The following PALS1 variants were observed in gnomAD, a reference collection of about 807,000 sequenced individuals.
The protein encoded by PALS1 is protein associated with LIN7 1, MAGUK p55 family member.
PALS1 carries 31 observed loss-of-function variants against 78.9 expected under a neutral mutation model. That is an observed-to-expected ratio of 0.39 (90% CI 0.30 to 0.53). The LOEUF is 0.53. PALS1 is among the 20% of genes least tolerant of loss of function. The pLI is 0.67. For synonymous variants in PALS1, 276 were observed against 270.9 expected (o/e 1.02, Z -0.18); for missense variants, 704 against 826.5 (o/e 0.85, Z 1.82).
intron 4 of PALS1, among the ~76,000 whole-genome samples, chr14:67,297,065 C>A (rs540722627): frequency 1.0e-3 from 154 of 152,094 alleles, no homozygotes; most frequent in Non-Finnish European, 1.9e-3. Context: ...TGATAATAGT[C>A]AAAAATAATA....
At chr14:67,332,728 A>G (rs2085468592) in intron 14 of PALS1, 52 bp from the exon 15 acceptor site, 21 of 1,541,358 alleles carry the variant, frequency 1.4e-5, no homozygotes, top group Non-Finnish European at 1.8e-5. Context: ...CTCATCCTAT[A>G]TTATTTGGTT....
rs781369868 is a variant in PALS1 at position 67,280,792 on chromosome 14, TTTCCTTCCTTCCTTCC to T, written c.367+1304_367+1319del. ...TCTCTTTATTCCAACTCTGGAGCAG[TTTCCTTCCTTCCTTCC>T]TTCCTTCCTTCCTTCCTTCCTTCCT... is the stretch of plus-strand genomic sequence containing the variant. On this transcript the variant is annotated intron_variant, in intron 3 of 14. Transcript: ENST00000261681. Among the ~76,000 whole-genome samples the T allele has an allele frequency of 7.4e-3, 571 of 77,656 alleles. 7 individuals carry two copies. The highest frequency in any genetic ancestry group is 0.011 in the Non-Finnish European group (402 of 37,214). The allele number at this position is 77,656 out of a possible 152,430, so 50.9% of individuals were successfully genotyped here.
rs1205865934 is a variant in PALS1, at chr14:67,321,276, G to A, written c.1740+17G>A. 3.7e-6 allele frequency: 6 copies of A among 1,612,936 alleles called. No homozygotes were observed. Among genetic ancestry groups the A allele is most frequent in the Admixed American group, 1.7e-5 (1 of 59,992 alleles). On this transcript the variant is annotated intron_variant, in intron 13 of 14. Transcript: ENST00000261681. ...CGTACACAGGTAAAGCTAGAACTTT[G>A]TTTTAGGGTTTGAACTTAGAAGGAA... is the stretch of plus-strand genomic sequence containing the variant.
At chr14:67,292,895 A>G (rs2084796648) in intron 4 of PALS1, among the ~76,000 whole-genome samples, 176 bp downstream of exon 4, 2 of 152,208 alleles carry the variant, frequency 1.3e-5, no homozygotes, top group Admixed American at 1.3e-4. Context: ...AAAAACAAAA[A>G]AAGTTTACTT....
intron 14 of PALS1, among the ~76,000 whole-genome samples, chr14:67,330,706 C>T (rs1462577744): frequency 6.6e-6 from 1 of 152,062 alleles, no homozygotes. Context: ...GATCCACCTG[C>T]CTCAGCCTTC....
chr14:67,301,830 A>T, intron 5 of PALS1, 142 bp from the exon 6 acceptor site: 1 of 981,666 alleles, frequency 1.0e-6, no homozygotes, highest in Non-Finnish European at 1.4e-6. Flanking sequence ...TAGTATACTT[A>T]ACACATCTTT....
intron 1 of PALS1, among the ~76,000 whole-genome samples, chr14:67,265,558 T>A (rs1036157952): frequency 2.0e-5 from 3 of 147,530 alleles, no homozygotes; most frequent in Non-Finnish European, 4.5e-5. Flanking sequence ...CTATCTCTAT[T>A]TAAAAGAAAA....
At chr14:67,319,750 A>G (rs567577675) in intron 11 of PALS1, among the ~76,000 whole-genome samples, 5 of 152,344 alleles carry the variant, frequency 3.3e-5, no homozygotes, top group Admixed American at 3.3e-4. Flanking sequence ...GAACTATAGG[A>G]AAGTATTCCA....
Position 67,302,029 on chromosome 14 carries a change from A to G in PALS1, c.712A>G (p.Thr238Ala). Residue 238 changes from threonine (T) to alanine (A), a missense_variant, in exon 6 of 15, where the codon ACA (threonine) becomes GCA (alanine). Coordinates refer to ENST00000261681, the MANE Select transcript of PALS1 (RefSeq NM_022474.4). Reference protein sequence around the residue: ...AEQEMQLEPITDERVYESIGQ... With the variant: ...AEQEMQLEPIADERVYESIGQ... ...GCAGGAAATGCAGCTAGAGCCCATT[A>G]CAGATGAGAGAGTTTATGAAAGTAT... 8 of 1,611,764 alleles carry G rather than the reference A, an allele frequency of 5.0e-6. No individual in the cohort carries two copies. The highest frequency in any genetic ancestry group is 5.1e-6 in the Non-Finnish European group (6 of 1,178,886).
At chr14:67,313,990 T>A (rs940453699) in intron 9 of PALS1, among the ~76,000 whole-genome samples, 20 of 149,972 alleles carry the variant, frequency 1.3e-4, no homozygotes, top group Admixed American at 7.3e-4. Flanking sequence ...AAAAAAAAAA[T>A]AGTTCTGCCA....
intron 9 of PALS1, among the ~76,000 whole-genome samples, chr14:67,316,207 A>T (rs950710491): frequency 1.3e-5 from 2 of 152,350 alleles, no homozygotes; most frequent in Admixed American, 1.3e-4. Flanking sequence ...GTCGGAAAAG[A>T]AAACCTCTTT....
At position 67,326,981 on chromosome 14, in the gene PALS1, C is replaced by G. The variant is rs557586756; in HGVS notation, c.1851+3169C>G. 1.1e-4 allele frequency among the ~76,000 whole-genome samples: 17 copies of G among 152,036 alleles called. No individual in the cohort carries two copies. The East Asian group carries it at 3.3e-3, about 30-fold the overall frequency. On this transcript the variant is annotated intron_variant, in intron 14 of 14. Transcript: ENST00000261681. ...CTTGAGGTGAGGAGTTTGAGACCAG[C>G]CTGGCTAACATAGTGAAACCCCGTC...
chr14:67,299,825 A>T (rs1196513121), intron 4 of PALS1, among the ~76,000 whole-genome samples: 1 of 152,236 alleles, frequency 6.6e-6, no homozygotes, highest in Admixed American at 6.5e-5. Context: ...GAAAATTATT[A>T]TTGAGCTGAC....
At chr14:67,247,289 TG>T (rs1284988236) in intron 1 of PALS1, among the ~76,000 whole-genome samples, 3 of 152,222 alleles carry the variant, frequency 2.0e-5, no homozygotes, top group Non-Finnish European at 4.4e-5. Flanking sequence ...CTATTGTAAA[TG>T]GTAATCTAAA....
At chr14:67,321,349 G>A (rs2085262019) in intron 13 of PALS1, 90 bp downstream of exon 13, 2 of 1,202,536 alleles carry the variant, frequency 1.7e-6, no homozygotes, top group Non-Finnish European at 2.4e-6. Flanking sequence ...TCCAAGAACA[G>A]CGCGACCTAA....
At chr14:67,291,728 T>C (rs2084776830) in intron 3 of PALS1, among the ~76,000 whole-genome samples, 1 of 152,238 alleles carries the variant, frequency 6.6e-6, no homozygotes, top group African/African-American at 2.4e-5. Context: ...CATTAGAGTT[T>C]TATAGACCAC....
rs767897026 is a variant in PALS1 at position 67,279,470 on chromosome 14, T to A, written c.300T>A (p.Asp100Glu). The A allele has an allele frequency of 1.2e-6, 2 of 1,609,150 alleles. No individual in the cohort carries two copies. Among genetic ancestry groups the A allele is most frequent in the South Asian group, 1.1e-5 (1 of 90,178 alleles). ...LAQIPPKTGI[D>E]NPMFDTEEGI... is the part of the protein sequence containing the mutation. ...AAATTCCTCCAAAGACCGGAATAGATAACCCTATGTTTGATACAGAGGAAG... is the reference window on the plus strand; with the variant it reads ...AAATTCCTCCAAAGACCGGAATAGAAAACCCTATGTTTGATACAGAGGAAG... Residue 100 changes from aspartate to glutamate, a missense_variant, in exon 3 of 15, where the codon GAT (aspartate) becomes GAA (glutamate). Asp to Glu is a conservative substitution (Grantham distance 45, BLOSUM62 2). Transcript: ENST00000261681.
In PALS1 at chr14:67,321,130, G is replaced by A. The variant is rs767598729; in HGVS notation, c.1611G>A (p.Glu537=). 3 of 1,614,182 alleles carry A rather than the reference G, an allele frequency of 1.9e-6. No homozygotes were observed. In the South Asian group the frequency reaches 3.3e-5, roughly 18 times the overall value. The change falls in exon 13 of 15, where the codon GAG becomes GAA. Residue 537 remains glutamate (E), a synonymous_variant. Transcript: ENST00000261681. The part of the protein sequence containing the change: ...DYHFVSRQAF[E]ADIAAGKFIE... ...ACTTTGTTTCGCGGCAAGCATTCGA[G>A]GCAGACATAGCAGCTGGAAAGTTCA...
chr14:67,266,360 C>G (rs569355253), intron 1 of PALS1, among the ~76,000 whole-genome samples: 5 of 152,162 alleles, frequency 3.3e-5, no homozygotes, highest in South Asian at 2.1e-4. Context: ...GAGTCTCACT[C>G]TGTTGCCCAG....
Sources: allele counts gnomAD v4.1 joint callset (sites outside exome capture counted in the v4.1 genomes callset), GRCh38; gene constraint gnomAD v4.1.1; transcripts MANE v1.5; gene names NCBI Gene and HGNC (gene_info 2026-07-23, HGNC 2026-07-21).